IGFBP1: variants seen among roughly 807,000 people sequenced by gnomAD.
IGFBP1 encodes insulin like growth factor binding protein 1, also known as insulin-like growth factor-binding protein 1.
In IGFBP1, 31 loss-of-function variants were observed where a neutral mutation model predicts 23.1. The ratio of observed to expected loss-of-function variants is 1.34; its 90% confidence interval spans 1.01 to 1.81. IGFBP1 has a LOEUF of 1.81. IGFBP1 is among the 40% of genes most tolerant of loss of function. IGFBP1 has a pLI of 0.00. For missense variants in IGFBP1, 333 were observed against 342.2 expected (o/e 0.97, Z 0.21); for synonymous variants, 148 against 145.5 (o/e 1.02, Z -0.13).
chr7:45,889,008 C>CA lies in IGFBP1; in HGVS notation c.349+8dup. 6.7e-7 allele frequency: 1 copy of CA among 1,503,362 alleles called. No individual in the cohort carries two copies. Among genetic ancestry groups the CA allele is most frequent in the African/African-American group, 1.4e-5 (1 of 69,378 alleles). The allele number at this position is 1,503,362 out of a possible 1,614,324, so 93.1% of individuals were successfully genotyped here. A position where few individuals can be genotyped will look rare whatever the true frequency, so the allele number is the denominator to read the frequency against. On this transcript the variant is annotated splice_region_variant and intron_variant, in intron 1 of 3. Coordinates refer to ENST00000275525, the MANE Select transcript of IGFBP1 (RefSeq NM_000596.4). Reference sequence around the variant, plus strand: ...TCCGCTCCCCATGCTGCAGGTACCACAGTCCCGCCCCTGCTCCAGCACCTC... The same window carrying CA: ...TCCGCTCCCCATGCTGCAGGTACCACAAGTCCCGCCCCTGCTCCAGCACCTC...
intron 1 of IGFBP1, among the ~76,000 whole-genome samples, chr7:45,889,594 A>G (rs911234106): frequency 6.6e-6 from 1 of 152,240 alleles, no homozygotes; most frequent in Admixed American, 6.5e-5. Context: ...TAGAAAAACA[A>G]TGTTTGATGT....
In IGFBP1 at chr7:45,889,007, A is replaced by T; in HGVS notation, c.349+6A>T. ...CTCCGCTCCCCATGCTGCAGGTACC[A>T]CAGTCCCGCCCCTGCTCCAGCACCT... On this transcript the variant is annotated splice_donor_region_variant and intron_variant, in intron 1 of 3. Coordinates refer to ENST00000275525, the MANE Select transcript of IGFBP1 (RefSeq NM_000596.4). 6.6e-7 allele frequency: 1 copy of T among 1,506,718 alleles called. No homozygotes were observed. Among genetic ancestry groups the T allele is most frequent in the Non-Finnish European group, 8.8e-7 (1 of 1,133,876 alleles). The allele number at this position is 1,506,718 out of a possible 1,614,324, so 93.3% of individuals were successfully genotyped here. A position where few individuals can be genotyped will look rare whatever the true frequency, so the allele number is the denominator to read the frequency against.
Position 45,891,977 on chromosome 7 carries a change from A to T in IGFBP1, c.565A>T (p.Lys189Ter). ...CTACAGAGTCGTAGAGAGTTTAGCC[A>T]AGGCACAGGAGACATCAGGAGAAGA... ...ELYRVVESLAKAQETSGEEIS... is the reference protein window; with the variant it reads ...ELYRVVESLA Residue 189 changes from lysine to a stop codon, truncating the protein, a stop_gained, in exon 3 of 4, where the codon AAG becomes TAG. Coordinates refer to ENST00000275525, the MANE Select transcript of IGFBP1 (RefSeq NM_000596.4). LOFTEE classifies it high-confidence loss of function. 1 of 1,614,042 alleles carries T rather than the reference A, an allele frequency of 6.2e-7. No individual in the cohort carries two copies. Among genetic ancestry groups the T allele is most frequent in the Non-Finnish European group, 8.5e-7 (1 of 1,179,874 alleles).
intron 2 of IGFBP1, 23 bp from the exon 3 acceptor site, chr7:45,891,909 C>T (rs1419580773): frequency 3.7e-6 from 6 of 1,601,308 alleles, no homozygotes; most frequent in South Asian, 1.1e-5. Flanking sequence ...GTTAGATATG[C>T]TAATGTCAAG....
At chr7:45,892,171 A>G in intron 3 of IGFBP1, 111 bp downstream of exon 3, 2 of 1,210,508 alleles carry the variant, frequency 1.7e-6, no homozygotes, top group Non-Finnish European at 2.3e-6. Flanking sequence ...AGTAGACACC[A>G]GAAGTGGTTG....
In IGFBP1 at chr7:45,888,694, CCTG is replaced by C. The variant is rs1233178164; in HGVS notation, c.46_48del (p.Leu16del). 6.3e-6 allele frequency: 10 copies of C among 1,597,922 alleles called. No individual in the cohort carries two copies. The highest frequency in any genetic ancestry group is 1.7e-5 in the Admixed American group (1 of 59,976). ...TTGCTCGCGTCTGGCTGGTACTGCT[CCTG>C]CTGACTGTCCAGGTCGGCGTGACAG... On this transcript the variant is annotated inframe_deletion, in exon 1 of 4. Coordinates refer to ENST00000275525, the MANE Select transcript of IGFBP1 (RefSeq NM_000596.4).
Position 45,888,645 on chromosome 7 carries a change from G to T in IGFBP1, c.-8G>T, listed in dbSNP as rs369421475. The T allele has an allele frequency of 1.9e-6, 3 of 1,594,586 alleles. No homozygotes were observed. The highest frequency in any genetic ancestry group is 2.7e-5 in the African/African-American group (2 of 74,768). On this transcript the variant is annotated 5_prime_UTR_variant, in exon 1 of 4. Coordinates refer to ENST00000275525, the MANE Select transcript of IGFBP1 (RefSeq NM_000596.4). ...GCATCGGCCCCTGTCTGCTGCTCGC[G>T]CCTGGAGATGTCAGAGGTCCCCGTT... is the stretch of plus-strand genomic sequence containing the variant.
intron 2 of IGFBP1, among the ~76,000 whole-genome samples, chr7:45,891,102 C>G (rs765469538): frequency 6.6e-6 from 1 of 152,182 alleles, no homozygotes; most frequent in Non-Finnish European, 1.5e-5. Flanking sequence ...ATAAAATGTA[C>G]TGTTTTAACT....
rs537063608 is a variant in IGFBP1, at chr7:45,890,298, C to T, written c.350-250C>T. 4.4e-4 allele frequency among the ~76,000 whole-genome samples: 67 copies of T among 152,284 alleles called. 1 individual carries two copies. The South Asian group carries it at 0.013, about 29-fold the overall frequency. On this transcript the variant is annotated intron_variant, in intron 1 of 3. Coordinates refer to ENST00000275525, the MANE Select transcript of IGFBP1 (RefSeq NM_000596.4). ...TCCCCTGCTGCTTTAAAAGCAGAAA[C>T]GTGGGGCACCCTTGCCAGGCCCTGA...
chr7:45,892,122 C>A, intron 3 of IGFBP1, 62 bp downstream of exon 3: 5 of 1,563,644 alleles, frequency 3.2e-6, no homozygotes, highest in South Asian at 1.2e-5. Context: ...ACATTCCTGC[C>A]AAGCCACGGT....
chr7:45,892,660 T>C (rs1787097083), intron 3 of IGFBP1, among the ~76,000 whole-genome samples: 1 of 152,224 alleles, frequency 6.6e-6, no homozygotes. Context: ...ACGAGACATG[T>C]TCCCTCTGGG....
At chr7:45,889,256 G>A (rs182626555) in intron 1 of IGFBP1, among the ~76,000 whole-genome samples, 21 of 152,358 alleles carry the variant, frequency 1.4e-4, no homozygotes, top group African/African-American at 3.8e-4. Context: ...GCTTAGTGGA[G>A]ACTCAAGGAG....
Position 45,888,518 on chromosome 7 carries a change from T to A in IGFBP1, c.-135T>A. On this transcript the variant is annotated 5_prime_UTR_variant, in exon 1 of 4. Transcript: ENST00000275525. ...CCACCGCCATCCCATCCAGCGAGCA[T>A]CTGCCGCCGCGCCGCCGCCACCCTC... 1.4e-6 allele frequency: 1 copy of A among 718,662 alleles called. No individual in the cohort carries two copies. Among genetic ancestry groups the A allele is most frequent in the South Asian group, 1.8e-5 (1 of 56,886 alleles). The allele number at this position is 718,662 out of a possible 1,614,324, so 44.5% of individuals were successfully genotyped here. A position where few individuals can be genotyped will look rare whatever the true frequency, so the allele number is the denominator to read the frequency against.
Position 45,888,752 on chromosome 7 carries a change from T to G in IGFBP1, c.100T>G (p.Ser34Ala). The change falls in exon 1 of 4, where the codon TCC becomes GCC. Residue 34 changes from serine (S) to alanine (A), a missense_variant. By Grantham distance (99) the Ser-to-Ala change is moderately conservative (BLOSUM62 1). Coordinates refer to ENST00000275525, the MANE Select transcript of IGFBP1 (RefSeq NM_000596.4). Reference sequence around the variant, plus strand: ...CGCTCCGTGGCAGTGCGCGCCCTGCTCCGCCGAGAAGCTCGCGCTCTGCCC... The same window carrying G: ...CGCTCCGTGGCAGTGCGCGCCCTGCGCCGCCGAGAAGCTCGCGCTCTGCCC... ...AGAPWQCAPC[S>A]AEKLALCPPV... 3 of 1,585,178 alleles carry G rather than the reference T, an allele frequency of 1.9e-6. No individual in the cohort carries two copies. Among genetic ancestry groups the G allele is most frequent in the Non-Finnish European group, 2.6e-6 (3 of 1,174,572 alleles).
At chr7:45,892,772 G>A (rs1275654172) in intron 3 of IGFBP1, among the ~76,000 whole-genome samples, 188 bp from the exon 4 acceptor site, 1 of 152,210 alleles carries the variant, frequency 6.6e-6, no homozygotes. Flanking sequence ...CTCGGTCACT[G>A]TCTCTATTTT....
intron 3 of IGFBP1, 77 bp from the exon 4 acceptor site, chr7:45,892,883 A>T (rs1208638996): frequency 3.3e-5 from 49 of 1,488,778 alleles, no homozygotes; most frequent in Non-Finnish European, 4.3e-5. Flanking sequence ...GCTGCACTGA[A>T]AAAAGGGCCA....
intron 2 of IGFBP1, among the ~76,000 whole-genome samples, 173 bp downstream of exon 2, chr7:45,890,890 A>G (rs536566382): frequency 6.6e-6 from 1 of 152,204 alleles, no homozygotes; most frequent in East Asian, 1.9e-4. Context: ...AACTGTGAAC[A>G]CATGGACTTT....
Position 45,888,768 on chromosome 7 carries a change from C to A in IGFBP1, c.116C>A (p.Ala39Glu), listed in dbSNP as rs376937815. Residue 39 changes from alanine (A) to glutamate (E), a missense_variant, in exon 1 of 4, where the codon GCG becomes GAG. Transcript: ENST00000275525. ...QCAPCSAEKL[A>E]LCPPVSASCS... is the part of the protein sequence containing the mutation. Reference sequence around the variant, plus strand: ...GCGCCCTGCTCCGCCGAGAAGCTCGCGCTCTGCCCGCCGGTGTCCGCCTCG... The same window carrying A: ...GCGCCCTGCTCCGCCGAGAAGCTCGAGCTCTGCCCGCCGGTGTCCGCCTCG... 2.6e-6 allele frequency: 4 copies of A among 1,565,650 alleles called. No individual in the cohort carries two copies. Among genetic ancestry groups the A allele is most frequent in the Admixed American group, 1.8e-5 (1 of 55,030 alleles).
At position 45,890,566 on chromosome 7, in the gene IGFBP1, G is replaced by A; in HGVS notation, c.368G>A (p.Ser123Asn). The change falls in exon 2 of 4, where the codon AGC becomes AAC. Residue 123 changes from serine (S) to asparagine (N), a missense_variant. By Grantham distance (46) the Ser-to-Asn change is conservative. Coordinates refer to ENST00000275525, the MANE Select transcript of IGFBP1 (RefSeq NM_000596.4). ...PHAAEAGSPE[S>N]PESTEITEEE... ...TTTCCAGAGGCAGGGAGCCCTGAAA[G>A]CCCAGAGAGCACGGAGATAACTGAG... 6.2e-7 allele frequency: 1 copy of A among 1,611,572 alleles called. No homozygotes were observed. Among genetic ancestry groups the A allele is most frequent in the South Asian group, 1.1e-5 (1 of 90,726 alleles).
Sources: allele counts gnomAD v4.1 joint callset (sites outside exome capture counted in the v4.1 genomes callset), GRCh38; gene constraint gnomAD v4.1.1; transcripts MANE v1.5; gene names NCBI Gene and HGNC (gene_info 2026-07-23, HGNC 2026-07-21).